The following FBXW12 variants were observed in gnomAD, a reference collection of about 807,000 sequenced individuals.
FBXW12 encodes the protein F-box/WD repeat-containing protein 12.
Under a neutral mutation model 55.3 loss-of-function variants are expected in FBXW12, and 43 were observed. That is an observed-to-expected ratio of 0.78 (90% CI 0.61 to 1.00). The LOEUF (loss-of-function observed/expected upper bound fraction) is 1.00, where lower values mean the gene tolerates loss of function less well. FBXW12 is among the 50% of genes least tolerant of loss of function. The pLI, the probability that FBXW12 is intolerant of heterozygous loss-of-function variation, is 0.00. For synonymous variants in FBXW12, 184 were observed against 203.8 expected (o/e 0.90, Z 0.83); for missense variants, 524 against 560.5 (o/e 0.93, Z 0.66).
chr3:48,382,124 C>CTTT, intron 10 of FBXW12, 39 bp downstream of exon 10: 1 of 1,253,442 alleles, frequency 8.0e-7, no homozygotes, highest in Non-Finnish European at 1.1e-6. Flanking sequence ...CCCTAAACAA[C>CTTT]TTTTTTTTTT....
At chr3:48,377,846 G>C (rs1046108994) in intron 5 of FBXW12, among the ~76,000 whole-genome samples, 3 of 152,052 alleles carry the variant, frequency 2.0e-5, no homozygotes, top group Admixed American at 6.6e-5. Context: ...TTTTTTAAAG[G>C]CTAAAGAATC....
Position 48,372,851 on chromosome 3 carries a change from G to A in FBXW12, c.84G>A (p.Val28=), listed in dbSNP as rs1412986766. 3 of 1,614,122 alleles carry A rather than the reference G, an allele frequency of 1.9e-6. No homozygotes were observed. The Admixed American group carries it at 5.0e-5, about 27-fold the overall frequency. ...DLFGLLQVSQ[V]NKHWNRIADS... is the part of the protein sequence containing the mutation. ...TCGGCTTGCTGCAGGTTTCCCAGGT[G>A]AACAAGGTAAAGGCCTTCCACCTCC... The change falls in exon 2 of 11, where the codon GTG becomes GTA. Residue 28 remains valine (V), a synonymous_variant. Transcript: ENST00000296438.
intron 6 of FBXW12, 145 bp from the exon 7 acceptor site, chr3:48,379,255 T>A (rs943614858): frequency 1.7e-5 from 13 of 761,768 alleles, no homozygotes; most frequent in Non-Finnish European, 2.7e-5. Context: ...CAACAGTGTC[T>A]CAAGCTAGAC....
chr3:48,378,893 C>G (rs1199863578), intron 6 of FBXW12, among the ~76,000 whole-genome samples: 1 of 152,182 alleles, frequency 6.6e-6, no homozygotes, highest in Non-Finnish European at 1.5e-5. Context: ...GCCACAGCGC[C>G]TGGCCTATTT....
Position 48,379,377 on chromosome 3 carries a change from TGGTGGGGATGCTTTGGTTTCA to T in FBXW12, c.616-19_617del. 1 of 1,612,402 alleles carries T rather than the reference TGGTGGGGATGCTTTGGTTTCA, an allele frequency of 6.2e-7. No individual in the cohort carries two copies. Among genetic ancestry groups the T allele is most frequent in the Non-Finnish European group, 8.5e-7 (1 of 1,178,628 alleles). On this transcript the variant is annotated splice_acceptor_variant and splice_polypyrimidine_tract_variant and intron_variant, in intron 6 of 10. Transcript: ENST00000296438. LOFTEE classifies it high-confidence loss of function. ...GATTTCACATATCTTCCTATTGATA[TGGTGGGGATGCTTTGGTTTCA>T]GGTTGGCGATGCTGCAGGTGACATC...
chr3:48,378,281 T>C, intron 5 of FBXW12, 36 bp from the exon 6 acceptor site: 1 of 1,510,108 alleles, frequency 6.6e-7, no homozygotes, highest in Middle Eastern at 1.8e-4. Flanking sequence ...GTGTAAGGGT[T>C]CCTTGAACAC....
At position 48,381,574 on chromosome 3, in the gene FBXW12, G is replaced by A. The variant is rs141420834; in HGVS notation, c.986-126G>A. 1,302 of 1,062,972 alleles carry A rather than the reference G, an allele frequency of 1.2e-3. 10 individuals are homozygous for A. The African/African-American group carries it at 0.018, about 15-fold the overall frequency. The allele number at this position is 1,062,972 out of a possible 1,614,324, so 65.8% of individuals were successfully genotyped here. A position where few individuals can be genotyped will look rare whatever the true frequency, so the allele number is the denominator to read the frequency against. ...TGGACTACCCTTCATTTTCTTCCCCGGAATGAAGTCTGTGGAAGTGGGGAC... is the reference window on the plus strand; with the variant it reads ...TGGACTACCCTTCATTTTCTTCCCCAGAATGAAGTCTGTGGAAGTGGGGAC... On this transcript the variant is annotated intron_variant, in intron 8 of 10. Transcript: ENST00000296438.
In FBXW12 at chr3:48,382,128, T is replaced by A. The variant is rs753890228; in HGVS notation, c.1295+43T>A. 3.6e-5 allele frequency: 58 copies of A among 1,608,422 alleles called. No individual in the cohort carries two copies. The South Asian group carries it at 4.2e-4, about 12-fold the overall frequency. ...ATGTAAACATCCCCTAAACAACTTT[T>A]TTTTTTTGAGACGGAGTCTCCCTAT... On this transcript the variant is annotated intron_variant, in intron 10 of 10. Coordinates refer to ENST00000296438, the MANE Select transcript of FBXW12 (RefSeq NM_207102.2).
At chr3:48,381,135 G>A (rs973582535) in intron 8 of FBXW12, among the ~76,000 whole-genome samples, 3 of 149,936 alleles carry the variant, frequency 2.0e-5, no homozygotes, top group Admixed American at 6.7e-5. Flanking sequence ...ACATTCTCCC[G>A]CCTCAGCCTC....
At position 48,381,747 on chromosome 3, in the gene FBXW12, A is replaced by C. The variant is rs751677828; in HGVS notation, c.1033A>C (p.Ile345Leu). Reference sequence around the variant, plus strand: ...GGTGGCAGCTCATCTGAAGTGCCCTATCTGGATGGGAGCCAGTGATGGATA... The same window carrying C: ...GGTGGCAGCTCATCTGAAGTGCCCTCTCTGGATGGGAGCCAGTGATGGATA... Reference protein sequence around the residue: ...FQVAAHLKCPIWMGASDGYMI... With the variant: ...FQVAAHLKCPLWMGASDGYMI... The change falls in exon 9 of 11, where the codon ATC becomes CTC. Residue 345 changes from isoleucine to leucine, a missense_variant. By Grantham distance (5) the Ile-to-Leu change is conservative. Transcript: ENST00000296438. 3.1e-6 allele frequency: 5 copies of C among 1,609,488 alleles called. No homozygotes were observed. The highest frequency in any genetic ancestry group is 4.2e-6 in the Non-Finnish European group (5 of 1,177,096).
At chr3:48,391,355 C>CACACATAT (rs1301553701) in intron 10 of FBXW12, among the ~76,000 whole-genome samples, 2 of 141,534 alleles carry the variant, frequency 1.4e-5, no homozygotes, top group African/African-American at 2.6e-5. Context: ...CACACACACA[C>CACACATAT]ATATATATAT....
intron 1 of FBXW12, 97 bp from the exon 2 acceptor site, chr3:48,372,587 C>A: frequency 7.0e-7 from 1 of 1,429,150 alleles, no homozygotes; most frequent in Non-Finnish European, 9.4e-7. Context: ...GATCAGGCCC[C>A]AGGGGAGAGG....
rs1288087302 is a variant in FBXW12, at chr3:48,377,280, A to G, written c.406-1037A>G. Reference sequence around the variant, plus strand: ...AATAGGGCTGACCTGTGCAACCAATAGGATATTGTGGAAATTATGGTGTAT... The same window carrying G: ...AATAGGGCTGACCTGTGCAACCAATGGGATATTGTGGAAATTATGGTGTAT... On this transcript the variant is annotated intron_variant, in intron 5 of 10. Coordinates refer to ENST00000296438, the MANE Select transcript of FBXW12 (RefSeq NM_207102.2). 2.0e-5 allele frequency among the ~76,000 whole-genome samples: 3 copies of G among 152,328 alleles called. No individual in the cohort carries two copies. The East Asian group carries it at 5.8e-4, about 29-fold the overall frequency.
chr3:48,375,932 T>A (rs1461150246), intron 5 of FBXW12, among the ~76,000 whole-genome samples: 3 of 150,026 alleles, frequency 2.0e-5, no homozygotes, highest in Non-Finnish European at 4.4e-5. Context: ...ACCTTGGGCT[T>A]CCAAAGTGCT....
rs1478638431 is a variant in FBXW12 at position 48,380,772 on chromosome 3, A to C, written c.845A>C (p.Lys282Thr). 1.2e-6 allele frequency: 2 copies of C among 1,614,124 alleles called. No individual in the cohort carries two copies. Among genetic ancestry groups the C allele is most frequent in the East Asian group, 2.2e-5 (1 of 44,878 alleles). The change falls in exon 8 of 11, where the codon AAA (lysine) becomes ACA (threonine). Residue 282 changes from lysine to threonine, a missense_variant. Physicochemically the swap from Lys to Thr is moderately conservative, Grantham distance 78. Transcript: ENST00000296438. ...CCTCTGTCTACCTTTCTCCCACATA[A>C]ATTATGTGCCAGCGCCTGCTGGACC... The part of the protein sequence containing the change: ...SVPLSTFLPH[K>T]LCASACWTPK...
intron 10 of FBXW12, among the ~76,000 whole-genome samples, chr3:48,385,422 AC>A: frequency 6.6e-6 from 1 of 152,204 alleles, no homozygotes; most frequent in East Asian, 1.9e-4. Context: ...CCATTGATAT[AC>A]ACTTAGGTTG....
intron 2 of FBXW12, 56 bp downstream of exon 2, chr3:48,372,913 T>G: frequency 1.3e-6 from 2 of 1,508,968 alleles, no homozygotes; most frequent in South Asian, 1.1e-5. Context: ...CTCGACCAGT[T>G]TGAGCACCAC....
rs1393181595 is a variant in FBXW12 at position 48,379,518 on chromosome 3, G to A, written c.734G>A (p.Trp245Ter). Residue 245 changes from tryptophan (W) to a stop codon, truncating the protein, a stop_gained, in exon 7 of 11, where the codon TGG becomes TAG. Transcript: ENST00000296438. LOFTEE classifies it high-confidence loss of function. ...CTACACTGCTCTCCTGACAAGAAAT[G>A]GGTATTTGCATGTGGGACATACAGT... ...VLLHCSPDKKWVFACGTYSRT... is the reference protein window; with the variant it reads ...VLLHCSPDKK 6.2e-7 allele frequency: 1 copy of A among 1,613,958 alleles called. No individual in the cohort carries two copies. The highest frequency in any genetic ancestry group is 1.3e-5 in the African/African-American group (1 of 74,924).
intron 5 of FBXW12, among the ~76,000 whole-genome samples, chr3:48,376,001 TGAGACA>T (rs2036679497): frequency 9.2e-6 from 1 of 108,658 alleles, no homozygotes; most frequent in Non-Finnish European, 2.0e-5. Flanking sequence ...TTTTTTTTTT[TGAGACA>T]GTCTCACTGT....
Sources: allele counts gnomAD v4.1 joint callset (sites outside exome capture counted in the v4.1 genomes callset), GRCh38; gene constraint gnomAD v4.1.1; transcripts MANE v1.5; gene names NCBI Gene and HGNC (gene_info 2026-07-23, HGNC 2026-07-21).